Variants in CNTN5 observed in about 807,000 individuals in gnomAD.
The protein encoded by CNTN5 is contactin-5.
A neutral mutation model predicts 129.1 loss-of-function variants in CNTN5; 77 were observed. The observed-to-expected ratio is 0.60, with a 90% CI of 0.50 to 0.72. The LOEUF is 0.72. Among genes scored for constraint, CNTN5 ranks in the 30% least tolerant of loss-of-function variants. The pLI, the probability that CNTN5 is intolerant of heterozygous loss-of-function variation, is 0.00. For synonymous variants in CNTN5, 509 were observed against 465.6 expected, an observed-to-expected ratio of 1.09 and a Z score of -1.20; for missense variants, 1,478 against 1,328.8, an observed-to-expected ratio of 1.11 and a Z score of -1.75.
intron 1 of CNTN5, among the ~76,000 whole-genome samples, chr11:99,052,182 A>ATG (rs373164751): frequency 1.3e-5 from 2 of 151,808 alleles, no homozygotes; most frequent in African/African-American, 4.8e-5. Context: ...AATGGTATAA[A>ATG]TGTGTGTGTA....
At chr11:100,252,545 T>C (rs1280311106) in intron 16 of CNTN5, among the ~76,000 whole-genome samples, 1 of 152,186 alleles carries the variant, frequency 6.6e-6, no homozygotes, top group Non-Finnish European at 1.5e-5. Flanking sequence ...TTATTGTTTC[T>C]GGTCTTATAG....
intron 2 of CNTN5, among the ~76,000 whole-genome samples, chr11:99,526,865 C>T (rs751364296): frequency 1.6e-4 from 24 of 152,188 alleles, no homozygotes; most frequent in Non-Finnish European, 4.4e-5. Flanking sequence ...TACACTGCTG[C>T]TAGAATTGCT....
At chr11:99,694,418 G>GA (rs1353314907) in intron 3 of CNTN5, among the ~76,000 whole-genome samples, 3 of 152,110 alleles carry the variant, frequency 2.0e-5, no homozygotes, top group African/African-American at 7.2e-5. Flanking sequence ...AGCCTTTACA[G>GA]AAAAAAAGTG....
At chr11:99,078,163 T>C (rs1233652826) in intron 1 of CNTN5, among the ~76,000 whole-genome samples, 1 of 152,200 alleles carries the variant, frequency 6.6e-6, no homozygotes, top group East Asian at 1.9e-4. Flanking sequence ...TTCATATTAG[T>C]AATTTGATAC....
chr11:99,384,854 T>C (rs1940825660), intron 2 of CNTN5, among the ~76,000 whole-genome samples: 2 of 152,290 alleles, frequency 1.3e-5, no homozygotes, highest in South Asian at 2.1e-4. Flanking sequence ...AATTACCATA[T>C]CTATCACCTC....
At chr11:99,430,287 A>G (rs146606522) in intron 2 of CNTN5, among the ~76,000 whole-genome samples, 2 of 152,170 alleles carry the variant, frequency 1.3e-5, no homozygotes, top group East Asian at 3.9e-4. Context: ...TTGTTTAAAA[A>G]AACGAAAGGT....
intron 2 of CNTN5, among the ~76,000 whole-genome samples, chr11:99,414,196 C>A: frequency 6.6e-6 from 1 of 152,124 alleles, no homozygotes; most frequent in East Asian, 1.9e-4. Context: ...TTAGTTCCAG[C>A]TGAACAAACG....
chr11:99,092,893 T>C (rs528782252), intron 1 of CNTN5, among the ~76,000 whole-genome samples: 1 of 152,182 alleles, frequency 6.6e-6, no homozygotes, highest in South Asian at 2.1e-4. Flanking sequence ...TACTTTCTGG[T>C]ACTTTATAAT....
intron 18 of CNTN5, among the ~76,000 whole-genome samples, chr11:100,273,530 C>T (rs372579356): frequency 6.6e-6 from 1 of 152,140 alleles, no homozygotes; most frequent in Non-Finnish European, 1.5e-5. Context: ...GGATCCTCCC[C>T]CACCTTGAGT....
chr11:99,132,989 T>C (rs1859023490), intron 1 of CNTN5, among the ~76,000 whole-genome samples: 1 of 152,148 alleles, frequency 6.6e-6, no homozygotes, highest in Non-Finnish European at 1.5e-5. Context: ...GGCACCATGT[T>C]ACCCGACTTC....
rs1952545051 is a variant in CNTN5, at chr11:100,357,315, A to C, written c.*1095A>C. ...AAATAAAGACAGTCTTTCTTGGATA[A>C]ATTGAATTTTTAATTAAGCTGTGGA... On this transcript the variant is annotated 3_prime_UTR_variant, in exon 25 of 25. Coordinates refer to ENST00000524871, the MANE Select transcript of CNTN5 (RefSeq NM_014361.4). 6.6e-6 allele frequency: 1 copy of C among 151,812 alleles called. No individual in the cohort carries two copies. The highest frequency in any genetic ancestry group is 2.4e-5 in the African/African-American group (1 of 41,400). 9.4% of individuals were successfully genotyped at this position (151,812 alleles called of 1,614,324 possible). A position where few individuals can be genotyped will look rare whatever the true frequency, so the allele number is the denominator to read the frequency against.
chr11:100,048,063 G>A lies in CNTN5; in HGVS notation c.981-13149G>A, dbSNP rs192738002. 7.2e-5 allele frequency among the ~76,000 whole-genome samples: 11 copies of A among 152,172 alleles called. 1 individual carries two copies. In the East Asian group the frequency reaches 9.7e-4, roughly 13 times the overall value. ...GGAGAATGGCATGAATCCCGAGGGC[G>A]GAGCTTGCAGTGAGTCGAGATCGCG... On this transcript the variant is annotated intron_variant, in intron 9 of 24. Coordinates refer to ENST00000524871, the MANE Select transcript of CNTN5 (RefSeq NM_014361.4).
chr11:99,628,907 G>A (rs1454482741), intron 3 of CNTN5, among the ~76,000 whole-genome samples: 1 of 151,954 alleles, frequency 6.6e-6, no homozygotes, highest in East Asian at 1.9e-4. Flanking sequence ...TAAATAATTT[G>A]CTGTTAAGAT....
intron 9 of CNTN5, among the ~76,000 whole-genome samples, chr11:100,031,868 C>A (rs1359886736): frequency 2.0e-5 from 3 of 152,184 alleles, no homozygotes; most frequent in Non-Finnish European, 4.4e-5. Context: ...TAACCTACCC[C>A]TGCCCTCACT....
intron 7 of CNTN5, among the ~76,000 whole-genome samples, chr11:99,931,466 C>A (rs1394578523): frequency 1.3e-5 from 2 of 152,182 alleles, no homozygotes; most frequent in East Asian, 3.8e-4. Flanking sequence ...ATTTTGACAT[C>A]AAGCAGCTCT....
intron 3 of CNTN5, among the ~76,000 whole-genome samples, chr11:99,818,052 T>G (rs1349509472): frequency 6.6e-6 from 1 of 152,318 alleles, no homozygotes; most frequent in Non-Finnish European, 1.5e-5. Context: ...AATATTAAAC[T>G]TAATTTGATG....
intron 9 of CNTN5, among the ~76,000 whole-genome samples, chr11:100,043,624 A>G (rs1250850937): frequency 1.3e-5 from 2 of 152,102 alleles, no homozygotes; most frequent in Non-Finnish European, 2.9e-5. Flanking sequence ...TTGCCTTGCT[A>G]TCTCATACTG....
chr11:99,721,203 A>G (rs1565460348), intron 3 of CNTN5, among the ~76,000 whole-genome samples: 1 of 152,176 alleles, frequency 6.6e-6, no homozygotes, highest in Non-Finnish European at 1.5e-5. Flanking sequence ...AAAAGGGACA[A>G]AGCTTTTGGC....
At chr11:99,712,271 T>C (rs926156377) in intron 3 of CNTN5, among the ~76,000 whole-genome samples, 1 of 152,176 alleles carries the variant, frequency 6.6e-6, no homozygotes, top group East Asian at 1.9e-4. Flanking sequence ...GGCCACAAAA[T>C]GTATTCTTTA....
Sources: allele counts gnomAD v4.1 joint callset (sites outside exome capture counted in the v4.1 genomes callset), GRCh38; gene constraint gnomAD v4.1.1; transcripts MANE v1.5; gene names NCBI Gene and HGNC (gene_info 2026-07-23, HGNC 2026-07-21).